The following CCDC91 variants were observed in gnomAD, a reference collection of about 807,000 sequenced individuals.
CCDC91 encodes the protein coiled-coil domain containing 91, also known as coiled-coil domain-containing protein 91.
In CCDC91, 48 loss-of-function variants were observed where a neutral mutation model predicts 63.2. The ratio of observed to expected loss-of-function variants is 0.76; its 90% CI spans 0.60 to 0.97. The LOEUF is 0.97. Among genes scored for constraint, CCDC91 ranks in the 50% least tolerant of loss-of-function variants. The pLI, the probability that CCDC91 is intolerant of heterozygous loss-of-function variation, is 0.00. For missense variants in CCDC91, 500 were observed against 494.6 expected (o/e 1.01, Z -0.10); for synonymous variants, 167 against 165.8 (o/e 1.01, Z -0.06).
intron 1 of CCDC91, among the ~76,000 whole-genome samples, chr12:28,208,682 A>T (rs564864203): frequency 8.5e-5 from 13 of 152,362 alleles, no homozygotes; most frequent in African/African-American, 2.6e-4. Context: ...GATTTAAAAA[A>T]TTTTTAAAAA....
At chr12:28,382,810 G>A (rs1160797949) in intron 7 of CCDC91, among the ~76,000 whole-genome samples, 1 of 151,934 alleles carries the variant, frequency 6.6e-6, no homozygotes, top group East Asian at 1.9e-4. Flanking sequence ...TTAATAACTA[G>A]GTGCTCTACT....
intron 1 of CCDC91, among the ~76,000 whole-genome samples, chr12:28,191,989 A>G (rs1941295743): frequency 6.6e-6 from 1 of 152,184 alleles, no homozygotes; most frequent in African/African-American, 2.4e-5. Context: ...AATAAACATA[A>G]AGAAAACAAA....
chr12:28,443,599 C>G (rs551352325), intron 8 of CCDC91, among the ~76,000 whole-genome samples: 51 of 151,438 alleles, frequency 3.4e-4, no homozygotes, highest in African/African-American at 1.2e-3. Flanking sequence ...TTTGATAGTA[C>G]TTAATGACAA....
intron 12 of CCDC91, among the ~76,000 whole-genome samples, chr12:28,518,714 T>C (rs565272203): frequency 6.6e-6 from 1 of 152,170 alleles, no homozygotes; most frequent in South Asian, 2.1e-4. Context: ...TTCTTGGTCA[T>C]GAAATCCTTG....
chr12:28,273,102 T>A (rs1209773361), intron 3 of CCDC91, among the ~76,000 whole-genome samples: 2 of 151,810 alleles, frequency 1.3e-5, no homozygotes, highest in Non-Finnish European at 2.9e-5. Flanking sequence ...TGGTTTCTTG[T>A]CCTTCTGATA....
At chr12:28,239,569 G>T (rs1452067077) in intron 1 of CCDC91, among the ~76,000 whole-genome samples, 2 of 139,618 alleles carry the variant, frequency 1.4e-5, no homozygotes, top group East Asian at 3.9e-4. Context: ...TCATCATTGT[G>T]CTATTAACTA....
intron 8 of CCDC91, among the ~76,000 whole-genome samples, chr12:28,418,802 A>G (rs954439878): frequency 3.9e-5 from 6 of 152,140 alleles, no homozygotes; most frequent in African/African-American, 1.4e-4. Flanking sequence ...AGCCACATTT[A>G]GATAAGCGTG....
intron 1 of CCDC91, among the ~76,000 whole-genome samples, chr12:28,201,209 G>A (rs879027799): frequency 4.1e-5 from 6 of 147,824 alleles, no homozygotes; most frequent in South Asian, 2.1e-4. Flanking sequence ...ACTGCTGGGC[G>A]GAGGGGCTCC....
At chr12:28,210,154 A>G (rs1317896871) in intron 1 of CCDC91, among the ~76,000 whole-genome samples, 1 of 152,224 alleles carries the variant, frequency 6.6e-6, no homozygotes, top group Non-Finnish European at 1.5e-5. Flanking sequence ...TAGCTAGGGA[A>G]CTTGGCTAAT....
chr12:28,214,390 T>C (rs1943432965), intron 1 of CCDC91, among the ~76,000 whole-genome samples: 1 of 152,120 alleles, frequency 6.6e-6, no homozygotes, highest in African/African-American at 2.4e-5. Flanking sequence ...AGGAGTACTA[T>C]GATCCAGATC....
chr12:28,246,495 C>T (rs1436019507), intron 1 of CCDC91, among the ~76,000 whole-genome samples: 1 of 152,050 alleles, frequency 6.6e-6, no homozygotes, highest in Non-Finnish European at 1.5e-5. Flanking sequence ...ATGCAAATCA[C>T]AATTTTGTCA....
intron 1 of CCDC91, among the ~76,000 whole-genome samples, chr12:28,233,741 C>T (rs1314516303): frequency 6.6e-6 from 1 of 151,998 alleles, no homozygotes; most frequent in African/African-American, 2.4e-5. Flanking sequence ...GAGGAAGAAA[C>T]TCTATTCTTA....
chr12:28,457,658 G>A (rs1252932168), intron 11 of CCDC91, among the ~76,000 whole-genome samples: 10 of 151,720 alleles, frequency 6.6e-5, no homozygotes, highest in Admixed American at 5.9e-4. Flanking sequence ...GATTGTGGTA[G>A]ATAATTCTCA....
At chr12:28,372,633 C>G (rs1175557649) in intron 7 of CCDC91, among the ~76,000 whole-genome samples, 2 of 151,148 alleles carry the variant, frequency 1.3e-5, no homozygotes, top group African/African-American at 4.9e-5. Context: ...TTATTTCATT[C>G]TCACCTTTGT....
intron 6 of CCDC91, among the ~76,000 whole-genome samples, chr12:28,327,482 A>C (rs1377885730): frequency 1.1e-4 from 17 of 152,112 alleles, no homozygotes; most frequent in Non-Finnish European, 1.5e-5. Context: ...TCTTCCTTGC[A>C]CTATGTAAAT....
chr12:28,360,986 A>T (rs1196595764), intron 6 of CCDC91, among the ~76,000 whole-genome samples: 1 of 151,488 alleles, frequency 6.6e-6, no homozygotes, highest in African/African-American at 2.4e-5. Context: ...TAGTTTTGGT[A>T]AATTGTGTTT....
At chr12:28,252,847 A>AACACTT (rs1279537946) in intron 1 of CCDC91, among the ~76,000 whole-genome samples, 1 of 152,156 alleles carries the variant, frequency 6.6e-6, no homozygotes, top group Non-Finnish European at 1.5e-5. Flanking sequence ...TAAAGTAGCA[A>AACACTT]ACACTTATAT....
intron 1 of CCDC91, among the ~76,000 whole-genome samples, chr12:28,208,978 T>A (rs1453297224): frequency 2.6e-5 from 4 of 151,944 alleles, no homozygotes; most frequent in Non-Finnish European, 4.4e-5. Context: ...TTTTTTTTTT[T>A]TGTATTTTTA....
At chr12:28,253,268 GC>G (rs972990632) in intron 1 of CCDC91, among the ~76,000 whole-genome samples, 1 of 152,076 alleles carries the variant, frequency 6.6e-6, no homozygotes, top group African/African-American at 2.4e-5. Flanking sequence ...CAGCCCAGCC[GC>G]TGTTGTTTTG....
Sources: gnomAD v4.1 joint callset for allele counts (sites outside exome capture counted in the v4.1 genomes callset) on GRCh38, gnomAD v4.1.1 for gene constraint, MANE v1.5 for transcripts, NCBI Gene and HGNC (gene_info 2026-07-23, HGNC 2026-07-21) for gene names.